The following ROBO2 variants were observed in gnomAD, a reference collection of about 807,000 sequenced individuals.
ROBO2 encodes roundabout guidance receptor 2, also known as roundabout homolog 2.
Under a neutral mutation model 160.8 loss-of-function variants are expected in ROBO2, and 53 were observed. That is an observed-to-expected ratio of 0.33 (90% CI 0.26 to 0.41). The LOEUF is 0.41. Among genes scored for constraint, ROBO2 ranks in the 10% least tolerant of loss-of-function variants. The pLI, the probability that ROBO2 is intolerant of heterozygous loss-of-function variation, is 1.00. For synonymous variants in ROBO2, 664 were observed against 611.7 expected (o/e 1.09, Z -1.26); for missense variants, 1,577 against 1,722.4 (o/e 0.92, Z 1.49).
intron 2 of ROBO2, among the ~76,000 whole-genome samples, chr3:76,658,174 A>C (rs1575770394): frequency 6.6e-6 from 1 of 151,538 alleles, no homozygotes; most frequent in East Asian, 1.9e-4. Flanking sequence ...TTACTTTTAA[A>C]AGTGCACATT....
At chr3:76,035,755 G>A (rs915048835) in intron 2 of ROBO2, among the ~76,000 whole-genome samples, 21 of 152,106 alleles carry the variant, frequency 1.4e-4, no homozygotes, top group Non-Finnish European at 1.6e-4. Flanking sequence ...TTGGGGGCCT[G>A]CACTCATTAT....
At chr3:76,326,485 T>G (rs555405452) in intron 2 of ROBO2, among the ~76,000 whole-genome samples, 1 of 152,300 alleles carries the variant, frequency 6.6e-6, no homozygotes, top group East Asian at 1.9e-4. Context: ...ATATGTGTAT[T>G]ATGTTGCATA....
At chr3:77,603,084 A>C (rs2094463850) in intron 20 of ROBO2, 1 of 456,530 alleles carries the variant, frequency 2.2e-6, no homozygotes, top group South Asian at 1.5e-5. Context: ...CAGTAAGGAG[A>C]AATATTTGTT....
At chr3:77,164,961 C>T (rs2078920789) in intron 2 of ROBO2, among the ~76,000 whole-genome samples, 1 of 148,770 alleles carries the variant, frequency 6.7e-6, no homozygotes, top group South Asian at 2.1e-4. Flanking sequence ...CCCAACCCGG[C>T]CAGCCGCCCC....
intron 2 of ROBO2, among the ~76,000 whole-genome samples, chr3:76,157,416 A>G (rs1367617388): frequency 6.6e-6 from 1 of 152,172 alleles, no homozygotes; most frequent in African/African-American, 2.4e-5. Flanking sequence ...TAAAAAAATG[A>G]AAGTATTTAT....
At chr3:76,391,132 AT>A (rs1222932709) in intron 2 of ROBO2, among the ~76,000 whole-genome samples, 1 of 151,986 alleles carries the variant, frequency 6.6e-6, no homozygotes, top group East Asian at 1.9e-4. Context: ...CATTAACAGT[AT>A]TTTGCATCTT....
chr3:77,517,407 A>G (rs1026244849), intron 5 of ROBO2, among the ~76,000 whole-genome samples: 1 of 151,540 alleles, frequency 6.6e-6, no homozygotes, highest in Non-Finnish European at 1.5e-5. Context: ...GAAGTTTGAG[A>G]GGGAGGCAAG....
chr3:76,383,630 A>G (rs529913310), intron 2 of ROBO2, among the ~76,000 whole-genome samples: 1 of 152,328 alleles, frequency 6.6e-6, no homozygotes, highest in East Asian at 1.9e-4. Context: ...AGTGGAAAAG[A>G]TGCATAACTG....
chr3:76,620,869 C>T (rs990684245), intron 2 of ROBO2, among the ~76,000 whole-genome samples: 3 of 152,116 alleles, frequency 2.0e-5, no homozygotes, highest in Non-Finnish European at 2.9e-5. Context: ...GTAGTATGCA[C>T]GTGCTACCGA....
intron 5 of ROBO2, among the ~76,000 whole-genome samples, chr3:77,509,483 G>T (rs2089080265): frequency 6.6e-6 from 1 of 151,918 alleles, no homozygotes; most frequent in Non-Finnish European, 1.5e-5. Context: ...GTGGCTCCTG[G>T]GTCCTGTGAA....
chr3:76,446,446 G>A (rs1179645766), intron 2 of ROBO2, among the ~76,000 whole-genome samples: 1 of 152,164 alleles, frequency 6.6e-6, no homozygotes, highest in African/African-American at 2.4e-5. Context: ...AATCAATATT[G>A]TGGAAATGGC....
intron 2 of ROBO2, among the ~76,000 whole-genome samples, chr3:76,709,891 T>C (rs1451585740): frequency 6.6e-6 from 1 of 152,130 alleles, no homozygotes; most frequent in Non-Finnish European, 1.5e-5. Flanking sequence ...TCTCAGCCAA[T>C]GAGAAGTATA....
intron 2 of ROBO2, among the ~76,000 whole-genome samples, chr3:76,521,045 CTTTTTTTTTTTT>C (rs58517740): frequency 2.0e-5 from 2 of 100,122 alleles, no homozygotes; most frequent in East Asian, 3.0e-4. Flanking sequence ...AAAATTGCTT[CTTTTTTTTTTTT>C]TTTTTTTTTT....
intron 13 of ROBO2, among the ~76,000 whole-genome samples, chr3:77,573,500 G>A (rs1001049658): frequency 2.6e-5 from 4 of 151,964 alleles, no homozygotes; most frequent in African/African-American, 9.7e-5. Flanking sequence ...ATATCAAAAA[G>A]TTGTCAAATT....
chr3:76,945,453 C>G (rs1160078722), intron 2 of ROBO2, among the ~76,000 whole-genome samples: 1 of 152,062 alleles, frequency 6.6e-6, no homozygotes, highest in South Asian at 2.1e-4. Flanking sequence ...GACTTTCTTA[C>G]TTCTGTTGAT....
At chr3:77,108,324 G>A (rs528215479) in intron 2 of ROBO2, among the ~76,000 whole-genome samples, 9 of 143,532 alleles carry the variant, frequency 6.3e-5, no homozygotes, top group African/African-American at 2.1e-4. Flanking sequence ...ATACACATAT[G>A]CATATATATA....
At chr3:76,254,690 C>T (rs1334035710) in intron 2 of ROBO2, among the ~76,000 whole-genome samples, 1 of 151,798 alleles carries the variant, frequency 6.6e-6, no homozygotes, top group East Asian at 1.9e-4. Context: ...GTGGTAGATA[C>T]ATGAACCCAC....
At chr3:77,526,677 T>C (rs911124250) in intron 6 of ROBO2, among the ~76,000 whole-genome samples, 4 of 151,528 alleles carry the variant, frequency 2.6e-5, no homozygotes, top group African/African-American at 9.7e-5. Context: ...ATTTTAGTGA[T>C]TGAAAGTTAT....
At chr3:76,623,587 C>CTCTAAAG (rs1172747449) in intron 2 of ROBO2, among the ~76,000 whole-genome samples, 1 of 152,188 alleles carries the variant, frequency 6.6e-6, no homozygotes, top group African/African-American at 2.4e-5. Context: ...CCAACCTACA[C>CTCTAAAG]TCTAAAGTAT....
Sources: gnomAD v4.1 joint callset for allele counts (sites outside exome capture counted in the v4.1 genomes callset) on GRCh38, gnomAD v4.1.1 for gene constraint, MANE v1.5 for transcripts, NCBI Gene and HGNC (gene_info 2026-07-23, HGNC 2026-07-21) for gene names.